Variants in MFHAS1 observed in about 807,000 individuals in gnomAD.
MFHAS1 encodes the protein malignant fibrous histiocytoma-amplified sequence 1.
MFHAS1 carries 50 observed loss-of-function variants against 70.4 expected under a neutral mutation model. The observed-to-expected ratio is 0.71, with a 90% CI of 0.57 to 0.90. The LOEUF (loss-of-function observed/expected upper bound fraction) is 0.90, where lower values mean the gene tolerates loss of function less well. Among genes scored for constraint, MFHAS1 ranks in the 40% least tolerant of loss-of-function variants. The pLI is 0.00. For synonymous variants in MFHAS1, 952 were observed against 620.0 expected (o/e 1.54, Z -7.96); for missense variants, 1,795 against 1,347.6 (o/e 1.33, Z -5.20).
chr8:8,889,918 C>G (rs1035316793), intron 1 of MFHAS1, 143 bp downstream of exon 1: 22 of 677,974 alleles, frequency 3.2e-5, no homozygotes, highest in Non-Finnish European at 4.7e-5. Flanking sequence ...TTGCTCATCT[C>G]CAAATCTCCC....
chr8:8,857,382 T>A (rs1189198853), intron 1 of MFHAS1, among the ~76,000 whole-genome samples: 1 of 152,174 alleles, frequency 6.6e-6, no homozygotes, highest in African/African-American at 2.4e-5. Context: ...TTTTCTACCC[T>A]GAAACAAACC....
At chr8:8,787,141 C>T (rs569776040) in intron 2 of MFHAS1, among the ~76,000 whole-genome samples, 18 of 150,702 alleles carry the variant, frequency 1.2e-4, no homozygotes, top group South Asian at 2.1e-4. Flanking sequence ...AGTGCAGTGG[C>T]GCAATCTCGG....
Position 8,891,421 on chromosome 8 carries a change from C to G in MFHAS1, c.1638G>C (p.Glu546Asp), listed in dbSNP as rs405251. The change falls in exon 1 of 3, where the codon GAG becomes GAC. Residue 546 changes from glutamate to aspartate, a missense_variant. Transcript: ENST00000276282. The surrounding 1 kb of genome is among the most constrained non-coding windows in gnomAD (Gnocchi z 5.4). ...GAATGTCCAGACATTTCTCCTCCAG[C>G]TCACGCTCTCCGCACAGGTCTGCGT... is the stretch of plus-strand genomic sequence containing the variant. ...GTHADLCGER[E>D]LEEKCLDIHR... 6.2e-7 allele frequency: 1 copy of G among 1,612,786 alleles called. No homozygotes were observed. The highest frequency in any genetic ancestry group is 8.5e-7 in the Non-Finnish European group (1 of 1,180,028).
intron 1 of MFHAS1, among the ~76,000 whole-genome samples, chr8:8,867,969 T>C (rs2116902595): frequency 6.6e-6 from 1 of 152,288 alleles, no homozygotes; most frequent in Middle Eastern, 3.4e-3. Context: ...CGCTAATAAA[T>C]GGAACTCGAG....
At chr8:8,848,648 G>A (rs186475163) in intron 1 of MFHAS1, among the ~76,000 whole-genome samples, 4 of 152,302 alleles carry the variant, frequency 2.6e-5, no homozygotes, top group East Asian at 1.9e-4. Context: ...GATCTCGCAA[G>A]AGGTAGTTAT....
intron 1 of MFHAS1, among the ~76,000 whole-genome samples, chr8:8,863,617 TG>T: frequency 6.6e-6 from 1 of 152,344 alleles, no homozygotes; most frequent in Admixed American, 6.5e-5. Context: ...TTCTAACCTC[TG>T]TTTTGACCAT....
At chr8:8,805,700 TTTTGC>T (rs555071923) in intron 1 of MFHAS1, among the ~76,000 whole-genome samples, 8 of 152,258 alleles carry the variant, frequency 5.3e-5, no homozygotes, top group South Asian at 2.1e-4. Flanking sequence ...TTTTGTTTTG[TTTTGC>T]TTTCTTTTTT....
At chr8:8,823,860 C>T (rs1271854880) in intron 1 of MFHAS1, among the ~76,000 whole-genome samples, 1 of 133,798 alleles carries the variant, frequency 7.5e-6, no homozygotes, top group Non-Finnish European at 1.6e-5. Context: ...TCTCCATGCG[C>T]TTCAAAGATC....
At chr8:8,795,458 G>A (rs1237666995) in intron 2 of MFHAS1, among the ~76,000 whole-genome samples, 1 of 152,188 alleles carries the variant, frequency 6.6e-6, no homozygotes, top group Non-Finnish European at 1.5e-5. Flanking sequence ...AGCACTTCAA[G>A]ATTCACAATG....
At position 8,892,134 on chromosome 8, in the gene MFHAS1, T is replaced by A. The variant is rs759905998; in HGVS notation, c.925A>T (p.Thr309Ser). The A allele has an allele frequency of 1.6e-5, 26 of 1,611,514 alleles. No homozygotes were observed. Among genetic ancestry groups the A allele is most frequent in the Non-Finnish European group, 1.9e-5 (23 of 1,179,926 alleles). ...CCCGAGATAAGGGATGGCACCGAGG[T>A]GAGCTGGTTGCGACTAAGGTAGAGC... Reference protein sequence around the residue: ...EELYLSRNQLTSVPSLISGLG... With the variant: ...EELYLSRNQLSSVPSLISGLG... Residue 309 changes from threonine to serine, a missense_variant, in exon 1 of 3, where the codon ACC becomes TCC. By Grantham distance (58) the Thr-to-Ser change is moderately conservative. Transcript: ENST00000276282. This position sits in a 1 kb window ranked among gnomAD's most constrained non-coding sequence, Gnocchi z 4.7.
At chr8:8,867,134 C>A (rs1309661214) in intron 1 of MFHAS1, among the ~76,000 whole-genome samples, 1 of 152,032 alleles carries the variant, frequency 6.6e-6, no homozygotes, top group Non-Finnish European at 1.5e-5. Context: ...TTAAAGGAAA[C>A]AAGATAATAA....
chr8:8,796,234 G>A (rs1805888857), intron 2 of MFHAS1, among the ~76,000 whole-genome samples: 1 of 152,084 alleles, frequency 6.6e-6, no homozygotes, highest in African/African-American at 2.4e-5. Flanking sequence ...GGGCAAGGTG[G>A]TGGCAAACTG....
In MFHAS1 at chr8:8,890,707, C is replaced by T; in HGVS notation, c.2352G>A (p.Gln784=). The T allele has an allele frequency of 1.2e-6, 2 of 1,613,598 alleles. No homozygotes were observed. The highest frequency in any genetic ancestry group is 1.7e-6 in the Non-Finnish European group (2 of 1,179,724). The change falls in exon 1 of 3, where the codon CAG becomes CAA. Residue 784 remains glutamine (Q), a synonymous_variant. Transcript: ENST00000276282. The stretch of plus-strand genomic sequence containing the variant: ...GAAAGCCCTCCACATACTGATGGAG[C>T]TGGGTGGCCCGGAGCAGTTCCTGGC... ...TPSQELLRAT[Q]LHQYVEGFLL...
In MFHAS1 at chr8:8,784,925, C is replaced by G. The variant is rs984223090; in HGVS notation, c.*1097G>C. 2 of 152,150 alleles carry G rather than the reference C, an allele frequency of 1.3e-5. No homozygotes were observed. The highest frequency in any genetic ancestry group is 4.8e-5 in the African/African-American group (2 of 41,436). 9.4% of individuals were successfully genotyped at this position (152,150 alleles called of 1,614,324 possible). On this transcript the variant is annotated 3_prime_UTR_variant, in exon 3 of 3. Transcript: ENST00000276282. ...GCAGGAGACCGTCCAATCAGAGGCT[C>G]TGTATTTATAAATAACCCGTGTGGG...
intron 1 of MFHAS1, among the ~76,000 whole-genome samples, chr8:8,825,511 G>T (rs1286524947): frequency 1.3e-5 from 2 of 152,170 alleles, no homozygotes; most frequent in Non-Finnish European, 2.9e-5. Flanking sequence ...CTGGAGTCTG[G>T]AAGTCCAAGA....
intron 2 of MFHAS1, among the ~76,000 whole-genome samples, chr8:8,791,033 T>A (rs1805701995): frequency 6.6e-6 from 1 of 151,878 alleles, no homozygotes; most frequent in Non-Finnish European, 1.5e-5. Context: ...TATTTCGAAA[T>A]GCAATAACTC....
intron 1 of MFHAS1, among the ~76,000 whole-genome samples, chr8:8,842,707 T>G (rs1476463639): frequency 6.6e-6 from 1 of 152,178 alleles, no homozygotes; most frequent in Non-Finnish European, 1.5e-5. Context: ...TCATCCATTT[T>G]GAGCAAGGTG....
intron 2 of MFHAS1, among the ~76,000 whole-genome samples, chr8:8,796,441 T>C (rs928473044): frequency 1.3e-5 from 2 of 152,180 alleles, no homozygotes; most frequent in African/African-American, 2.4e-5. Context: ...CCCAGCACTT[T>C]GGGAGGCCAA....
At chr8:8,823,351 C>T (rs1307601310) in intron 1 of MFHAS1, among the ~76,000 whole-genome samples, 1 of 152,148 alleles carries the variant, frequency 6.6e-6, no homozygotes, top group Non-Finnish European at 1.5e-5. Flanking sequence ...CGGTGGGCAT[C>T]GCTGCCAGAA....
Sources: allele counts gnomAD v4.1 joint callset (sites outside exome capture counted in the v4.1 genomes callset), GRCh38; gene constraint gnomAD v4.1.1; non-coding constraint Gnocchi (gnomAD v3.1); transcripts MANE v1.5; gene names NCBI Gene and HGNC (gene_info 2026-07-23, HGNC 2026-07-21).